The following PALD1 variants were observed in gnomAD, a reference collection of about 807,000 sequenced individuals.
The protein encoded by PALD1 is phosphatase domain containing paladin 1.
Under a neutral mutation model 96.0 loss-of-function variants are expected in PALD1, and 57 were observed. That is an observed-to-expected ratio of 0.59 (90% CI 0.48 to 0.74). The LOEUF is 0.74. Among genes scored for constraint, PALD1 ranks in the 30% least tolerant of loss-of-function variants. The probability of loss-of-function intolerance (pLI) is 0.00; values close to 1 mark genes in which losing one functional copy is unlikely to be tolerated. For synonymous variants in PALD1, 464 were observed against 473.6 expected, an observed-to-expected ratio of 0.98 and a Z score of 0.26; for missense variants, 1,063 against 1,143.7, an observed-to-expected ratio of 0.93 and a Z score of 1.02.
chr10:70,567,328 C>A lies in PALD1; in HGVS notation c.*595C>A, dbSNP rs1173373535. The A allele has an allele frequency of 1.3e-5, 2 of 152,870 alleles. No homozygotes were observed. The highest frequency in any genetic ancestry group is 4.1e-4 in the South Asian group (2 of 4,836). The allele number at this position is 152,870 out of a possible 1,614,324, so 9.5% of individuals were successfully genotyped here. On this transcript the variant is annotated 3_prime_UTR_variant, in exon 20 of 20. Coordinates refer to ENST00000263563, the MANE Select transcript of PALD1 (RefSeq NM_014431.3). ...GGACTCTCATGCCCCCATCTCCGAC[C>A]TGGGAGACTTCAGGAATGACAACCT...
chr10:70,545,807 C>T (rs1224623983), intron 17 of PALD1, among the ~76,000 whole-genome samples: 2 of 151,984 alleles, frequency 1.3e-5, no homozygotes, highest in Admixed American at 6.6e-5. Context: ...GGGGCTGCTG[C>T]AGGTTAGGAG....
intron 1 of PALD1, among the ~76,000 whole-genome samples, chr10:70,492,237 A>T (rs1471060526): frequency 6.6e-6 from 1 of 152,082 alleles, no homozygotes; most frequent in Non-Finnish European, 1.5e-5. Flanking sequence ...ATTAAGTCAT[A>T]TACAGACGGT....
intron 1 of PALD1, among the ~76,000 whole-genome samples, chr10:70,504,454 C>T (rs1176454389): frequency 6.6e-6 from 1 of 152,150 alleles, no homozygotes; most frequent in African/African-American, 2.4e-5. Context: ...ACCTGGGAGG[C>T]GGAGGTTGCA....
intron 10 of PALD1, among the ~76,000 whole-genome samples, chr10:70,537,211 G>A (rs1006365508): frequency 1.3e-5 from 2 of 152,108 alleles, no homozygotes; most frequent in African/African-American, 4.8e-5. Flanking sequence ...AGGCTCAAGC[G>A]ATTCTCCCAC....
chr10:70,531,476 G>C, intron 5 of PALD1, 22 bp downstream of exon 5: 1 of 1,598,318 alleles, frequency 6.3e-7, no homozygotes, highest in South Asian at 1.1e-5. Flanking sequence ...TGCGGTGTGC[G>C]GGAGACCCCA....
rs148216792 is a variant in PALD1, at chr10:70,561,796, C to T, written c.2263-2568C>T. ...GAGGGGGTTCCCTGGGGACTCACCT[C>T]ATTCTCGGGCCCCCTTCCTGCCTTT... On this transcript the variant is annotated intron_variant, in intron 18 of 19. Transcript: ENST00000263563. 2.7e-3 allele frequency among the ~76,000 whole-genome samples: 416 copies of T among 152,260 alleles called. 2 individuals carry two copies. Among genetic ancestry groups the T allele is most frequent in the African/African-American group, 9.3e-3 (387 of 41,556 alleles).
At chr10:70,510,546 T>C (rs971190302) in intron 1 of PALD1, among the ~76,000 whole-genome samples, 1 of 152,298 alleles carries the variant, frequency 6.6e-6, no homozygotes, top group South Asian at 2.1e-4. Flanking sequence ...CCAGCCTTTT[T>C]CAGAAGAAGG....
chr10:70,500,373 C>T (rs1369401244), intron 1 of PALD1, among the ~76,000 whole-genome samples: 4 of 152,180 alleles, frequency 2.6e-5, no homozygotes, highest in African/African-American at 9.6e-5. Context: ...CAGCACATCA[C>T]ACCCCGCAGA....
At chr10:70,532,804 C>T (rs760602665) in intron 6 of PALD1, 23 bp downstream of exon 6, 1 of 1,612,590 alleles carries the variant, frequency 6.2e-7, no homozygotes, top group South Asian at 1.1e-5. Context: ...CACCCCCAGC[C>T]CTGGCCATGG....
chr10:70,494,032 C>T (rs1846145034), intron 1 of PALD1, among the ~76,000 whole-genome samples: 1 of 152,210 alleles, frequency 6.6e-6, no homozygotes, highest in Admixed American at 6.5e-5. Context: ...AATACCCAGC[C>T]TCATGCTCAC....
At position 70,529,871 on chromosome 10, in the gene PALD1, G is replaced by A. The variant is rs1185194154; in HGVS notation, c.289-18G>A. 8 of 1,611,806 alleles carry A rather than the reference G, an allele frequency of 5.0e-6. No individual in the cohort carries two copies. The highest frequency in any genetic ancestry group is 1.1e-5 in the South Asian group (1 of 90,878). On this transcript the variant is annotated intron_variant, in intron 3 of 19. Coordinates refer to ENST00000263563, the MANE Select transcript of PALD1 (RefSeq NM_014431.3). ...CCTGAGCCATCTGAGTGACCTTCCT[G>A]TGGCTCTCCCCTGCCAGGGCCGCTA... is the stretch of plus-strand genomic sequence containing the variant.
chr10:70,528,017 G>T (rs1296941404), intron 2 of PALD1, among the ~76,000 whole-genome samples: 2 of 151,840 alleles, frequency 1.3e-5, no homozygotes, highest in Non-Finnish European at 2.9e-5. Context: ...ACCTATGAGT[G>T]AGAACATGCG....
intron 7 of PALD1, 140 bp downstream of exon 7, chr10:70,533,210 G>A (rs1304495597): frequency 8.6e-6 from 6 of 697,120 alleles, no homozygotes; most frequent in African/African-American, 1.8e-5. Context: ...TAGGGTGGAC[G>A]TGTGTTGGTG....
intron 1 of PALD1, among the ~76,000 whole-genome samples, chr10:70,520,220 T>C (rs528871527): frequency 6.6e-6 from 1 of 152,264 alleles, no homozygotes; most frequent in Admixed American, 6.5e-5. Flanking sequence ...AGACTCTATT[T>C]TGGAAAAGCT....
At chr10:70,538,015 A>G in intron 11 of PALD1, 109 bp downstream of exon 11, 1 of 876,318 alleles carries the variant, frequency 1.1e-6, no homozygotes, top group Non-Finnish European at 1.8e-6. Context: ...GGAACCGGGG[A>G]GGGAAGGGAG....
At chr10:70,545,456 T>A (rs1847343154) in intron 17 of PALD1, among the ~76,000 whole-genome samples, 1 of 151,562 alleles carries the variant, frequency 6.6e-6, no homozygotes, top group African/African-American at 2.4e-5. Context: ...AGGTGCCAGC[T>A]GTAGAGAGGT....
rs953324228 is a variant in PALD1, at chr10:70,568,315, C to G, written c.*1582C>G. 1 of 152,476 alleles carries G rather than the reference C, an allele frequency of 6.6e-6. No individual in the cohort carries two copies. Among genetic ancestry groups the G allele is most frequent in the Admixed American group, 6.5e-5 (1 of 15,274 alleles). The allele number at this position is 152,476 out of a possible 1,614,324, so 9.4% of individuals were successfully genotyped here. On this transcript the variant is annotated 3_prime_UTR_variant, in exon 20 of 20. Coordinates refer to ENST00000263563, the MANE Select transcript of PALD1 (RefSeq NM_014431.3). ...ACCACTGGCTGATCACATCACCTCTCTGCCTCAGTTTCCCCATCTGTAAAA... is the reference window on the plus strand; with the variant it reads ...ACCACTGGCTGATCACATCACCTCTGTGCCTCAGTTTCCCCATCTGTAAAA...
upstream of PALD1, among the ~76,000 whole-genome samples, chr10:70,475,342 C>T (rs1251778064): frequency 6.6e-6 from 1 of 152,076 alleles, no homozygotes; most frequent in African/African-American, 2.4e-5. Context: ...ACAGGGGATC[C>T]GTCTGTGTTG....
intron 1 of PALD1, among the ~76,000 whole-genome samples, chr10:70,500,489 A>C (rs1846273261): frequency 6.6e-6 from 1 of 152,092 alleles, no homozygotes; most frequent in South Asian, 2.1e-4. Context: ...CCACAATACT[A>C]TACAGGAGGC....
Sources: gnomAD v4.1 joint callset for allele counts (sites outside exome capture counted in the v4.1 genomes callset) on GRCh38, gnomAD v4.1.1 for gene constraint, MANE v1.5 for transcripts, NCBI Gene and HGNC (gene_info 2026-07-23, HGNC 2026-07-21) for gene names.